Variants in SGIP1 observed in about 807,000 individuals in gnomAD.
SGIP1 encodes the protein SH3-containing GRB2-like protein 3-interacting protein 1.
In SGIP1, 38 loss-of-function variants were observed where a neutral mutation model predicts 107.5. That is an observed-to-expected ratio of 0.35 (90% CI 0.27 to 0.46). The LOEUF is 0.46. SGIP1 is among the 20% of genes least tolerant of loss of function. SGIP1 has a pLI of 1.00. For missense variants in SGIP1, 929 were observed against 1,019.5 expected (o/e 0.91, Z 1.21); for synonymous variants, 365 against 366.1 (o/e 1.00, Z 0.03).
At chr1:66,651,156 T>C (rs1414566548) in intron 7 of SGIP1, among the ~76,000 whole-genome samples, 1 of 152,192 alleles carries the variant, frequency 6.6e-6, no homozygotes, top group Non-Finnish European at 1.5e-5. Flanking sequence ...TTAATCAGGA[T>C]AACAATAAAA....
chr1:66,646,181 C>G (rs778233046), intron 7 of SGIP1, among the ~76,000 whole-genome samples: 12 of 152,134 alleles, frequency 7.9e-5, no homozygotes, highest in Non-Finnish European at 1.5e-4. Context: ...AGCACTTCCT[C>G]TCCAGAGCCA....
intron 1 of SGIP1, among the ~76,000 whole-genome samples, chr1:66,553,439 G>T (rs1479059684): frequency 6.6e-6 from 1 of 152,034 alleles, no homozygotes; most frequent in Non-Finnish European, 1.5e-5. Flanking sequence ...ACTTTGGGAG[G>T]CCAAGGTGGG....
chr1:66,593,504 G>A (rs903769693), intron 1 of SGIP1, among the ~76,000 whole-genome samples: 1 of 152,176 alleles, frequency 6.6e-6, no homozygotes, highest in African/African-American at 2.4e-5. Flanking sequence ...ACAACATGTG[G>A]CTGATTTGAC....
chr1:66,733,710 A>G (rs1303671097), intron 20 of SGIP1, 38 bp from the exon 21 acceptor site: 3 of 1,599,610 alleles, frequency 1.9e-6, no homozygotes, highest in Non-Finnish European at 2.6e-6. Context: ...TATTTGTTTT[A>G]AGATGCTACT....
In SGIP1 at chr1:66,673,265, A is replaced by G. The variant is rs2084301892; in HGVS notation, c.561-16A>G. The G allele has an allele frequency of 6.2e-7, 1 of 1,613,402 alleles. No homozygotes were observed. The highest frequency in any genetic ancestry group is 8.5e-7 in the Non-Finnish European group (1 of 1,179,572). ...GAGCCCTTTCCCTGTATTTTGCCTT[A>G]ATGTGTGTGATTTAGCAAAAAGCCT... On this transcript the variant is annotated splice_polypyrimidine_tract_variant and intron_variant, in intron 11 of 24. Transcript: ENST00000371037.
chr1:66,638,718 C>G (rs775096621), intron 4 of SGIP1, among the ~76,000 whole-genome samples: 1 of 152,136 alleles, frequency 6.6e-6, no homozygotes, highest in South Asian at 2.1e-4. Context: ...TCTAGTGATC[C>G]TATGTGCACA....
At chr1:66,618,244 T>C (rs2069944402) in intron 1 of SGIP1, among the ~76,000 whole-genome samples, 1 of 152,246 alleles carries the variant, frequency 6.6e-6, no homozygotes, top group South Asian at 2.1e-4. Flanking sequence ...TCTGAGTCCC[T>C]GCTCTCTGGC....
intron 1 of SGIP1, among the ~76,000 whole-genome samples, chr1:66,550,997 C>T (rs2057319686): frequency 6.6e-6 from 1 of 152,082 alleles, no homozygotes; most frequent in Admixed American, 6.6e-5. Context: ...CTCTGCACCA[C>T]AGCAATTGAC....
At chr1:66,615,141 T>C (rs767407601) in intron 1 of SGIP1, among the ~76,000 whole-genome samples, 1 of 151,678 alleles carries the variant, frequency 6.6e-6, no homozygotes, top group Non-Finnish European at 1.5e-5. Context: ...TGTTTTGTTT[T>C]GTTTTTTTCC....
intron 21 of SGIP1, among the ~76,000 whole-genome samples, chr1:66,736,882 A>G (rs1023137139): frequency 1.3e-5 from 2 of 152,120 alleles, no homozygotes; most frequent in Non-Finnish European, 2.9e-5. Context: ...TGAAATATCT[A>G]TAAAATGGTG....
chr1:66,677,121 G>A (rs1335565876), intron 13 of SGIP1, 25 bp downstream of exon 13: 9 of 1,574,826 alleles, frequency 5.7e-6, no homozygotes, highest in Middle Eastern at 1.7e-4. Flanking sequence ...TGCTCTGTCT[G>A]GAAAAATAAG....
Position 66,749,154 on chromosome 1 carries a change from T to TG in SGIP1, c.*6059_*6060insG, listed in dbSNP as rs56239844. On this transcript the variant is annotated 3_prime_UTR_variant, in exon 25 of 25. Transcript: ENST00000371037. ...AACAAAACAATAAAATTATTTTAAT[T>TG]TTTGTATTATTTTTAAGGCTTGCAC... Among the ~76,000 whole-genome samples, 9 of 149,964 alleles carry TG rather than the reference T, an allele frequency of 6.0e-5. No individual in the cohort carries two copies. The South Asian group carries it at 1.0e-3, about 17-fold the overall frequency.
At chr1:66,591,170 A>G (rs1249576637) in intron 1 of SGIP1, among the ~76,000 whole-genome samples, 1 of 152,186 alleles carries the variant, frequency 6.6e-6, no homozygotes, top group Non-Finnish European at 1.5e-5. Context: ...CTCTATCTAC[A>G]GCCTTTCTAC....
At chr1:66,664,246 C>A (rs530553042) in intron 8 of SGIP1, among the ~76,000 whole-genome samples, 18 of 151,700 alleles carry the variant, frequency 1.2e-4, no homozygotes, top group South Asian at 2.1e-4. Context: ...TTTATGTGGC[C>A]TTTTTTTTCT....
At chr1:66,625,986 T>C (rs1167531744) in intron 2 of SGIP1, 76 bp downstream of exon 2, 4 of 1,133,070 alleles carry the variant, frequency 3.5e-6, no homozygotes, top group Non-Finnish European at 1.3e-6. Flanking sequence ...CAATATAAGA[T>C]GGCCACAGTT....
intron 1 of SGIP1, among the ~76,000 whole-genome samples, chr1:66,614,809 CTTTTTTTTTTTT>C (rs10707091): frequency 3.4e-5 from 2 of 59,388 alleles, no homozygotes; most frequent in African/African-American, 6.8e-5. Flanking sequence ...TTCCAGCTGT[CTTTTTTTTTTTT>C]TTTTTTTTTT....
intron 1 of SGIP1, among the ~76,000 whole-genome samples, chr1:66,538,781 T>A (rs1007728819): frequency 3.3e-5 from 5 of 152,204 alleles, no homozygotes; most frequent in African/African-American, 1.2e-4. Context: ...TAAAGAACAG[T>A]ATGGTTCCCA....
rs1378409130 is a variant in SGIP1, at chr1:66,534,213, T to C, written c.-146T>C. On this transcript the variant is annotated 5_prime_UTR_variant, in exon 1 of 25. Coordinates refer to ENST00000371037, the MANE Select transcript of SGIP1 (RefSeq NM_032291.4). ...CCAGCAGCATCCATGGCCTGTCTTT[T>C]GGCTTAACACTTATCTCCTTTGGCT... 4 of 789,244 alleles carry C rather than the reference T, an allele frequency of 5.1e-6. No individual in the cohort carries two copies. The highest frequency in any genetic ancestry group is 3.4e-5 in the African/African-American group (2 of 58,592). The allele number at this position is 789,244 out of a possible 1,614,324, so 48.9% of individuals were successfully genotyped here.
chr1:66,693,437 A>G (rs955996374), intron 17 of SGIP1, among the ~76,000 whole-genome samples: 4 of 152,206 alleles, frequency 2.6e-5, no homozygotes, highest in African/African-American at 9.6e-5. Flanking sequence ...CAGAGATAAC[A>G]ATAGAGATAA....
Sources: gnomAD v4.1 joint callset for allele counts (sites outside exome capture counted in the v4.1 genomes callset) on GRCh38, gnomAD v4.1.1 for gene constraint, MANE v1.5 for transcripts, NCBI Gene and HGNC (gene_info 2026-07-23, HGNC 2026-07-21) for gene names.